The following ASCC3 variants were observed in gnomAD, a reference collection of about 807,000 sequenced individuals.
ASCC3 encodes the protein activating signal cointegrator 1 complex subunit 3.
A neutral mutation model predicts 256.3 loss-of-function variants in ASCC3; 158 were observed. The observed-to-expected ratio is 0.62, with a 90% CI of 0.54 to 0.70. The LOEUF (loss-of-function observed/expected upper bound fraction) is 0.70, where lower values mean the gene tolerates loss of function less well. Among genes scored for constraint, ASCC3 ranks in the 30% least tolerant of loss-of-function variants. The pLI is 0.00. For synonymous variants in ASCC3, 948 were observed against 883.4 expected, an observed-to-expected ratio of 1.07 and a Z score of -1.30; for missense variants, 2,259 against 2,626.0, an observed-to-expected ratio of 0.86 and a Z score of 3.05.
chr6:100,631,261 G>A, intron 25 of ASCC3, 48 bp from the exon 26 acceptor site: 1 of 1,432,496 alleles, frequency 7.0e-7, no homozygotes, highest in East Asian at 2.3e-5. Flanking sequence ...AATAGTGATA[G>A]CATTTTGAAA....
rs150149285 is a variant in ASCC3 at position 100,671,377 on chromosome 6, T to A, written c.2286+8241A>T. On this transcript the variant is annotated intron_variant, in intron 14 of 41. Coordinates refer to ENST00000369162, the MANE Select transcript of ASCC3 (RefSeq NM_006828.4). ...TACTGTCTGAATAACTACAGAGATA[T>A]ACTTTATCTTGTTCACATTTTGTGA... 4.8e-3 allele frequency among the ~76,000 whole-genome samples: 732 copies of A among 152,208 alleles called. 3 individuals are homozygous for A. Among genetic ancestry groups the A allele is most frequent in the Non-Finnish European group, 8.2e-3 (554 of 67,948 alleles).
chr6:100,608,080 G>GTATATATCGATATATACATATATATGTA (rs1554200725), intron 30 of ASCC3, among the ~76,000 whole-genome samples: 1 of 84,868 alleles, frequency 1.2e-5, no homozygotes, highest in African/African-American at 4.9e-5. Flanking sequence ...ACATATATAT[G>GTATATATCGATATATACATATATATGTA]TATATATATC....
chr6:100,691,705 CAATT>C (rs939643467), intron 13 of ASCC3, among the ~76,000 whole-genome samples: 32 of 151,630 alleles, frequency 2.1e-4, no homozygotes, highest in Non-Finnish European at 4.1e-4. Context: ...TAATATAAAT[CAATT>C]GTTTTTGTTT....
chr6:100,576,507 A>AT (rs1393779331), intron 36 of ASCC3, among the ~76,000 whole-genome samples: 10 of 152,040 alleles, frequency 6.6e-5, no homozygotes, highest in African/African-American at 1.9e-4. Context: ...GAAATAGGGT[A>AT]TAAAAAAAAG....
rs551757360 is a variant in ASCC3, at chr6:100,704,792, G to A, written c.2151+10670C>T. On this transcript the variant is annotated intron_variant, in intron 13 of 41. Transcript: ENST00000369162. ...CTTTTATTCCTTAAAACTGAAGGTAGATTTTCAGTAAGAAGCTGCAAAGAA... is the reference window on the plus strand; with the variant it reads ...CTTTTATTCCTTAAAACTGAAGGTAAATTTTCAGTAAGAAGCTGCAAAGAA... Among the ~76,000 whole-genome samples, 10 of 152,002 alleles carry A rather than the reference G, an allele frequency of 6.6e-5. No homozygotes were observed. In the South Asian group the frequency reaches 2.1e-3, roughly 31 times the overall value.
chr6:100,725,412 A>G, intron 11 of ASCC3, 127 bp downstream of exon 11: 1 of 1,129,028 alleles, frequency 8.9e-7, no homozygotes, highest in South Asian at 1.4e-5. Context: ...CCCCCTTTTA[A>G]AAATATGAAG....
intron 36 of ASCC3, among the ~76,000 whole-genome samples, chr6:100,556,871 A>G (rs898722846): frequency 6.6e-6 from 1 of 152,116 alleles, no homozygotes; most frequent in South Asian, 2.1e-4. Context: ...AAAAAATAAT[A>G]AAGAAAGGAC....
intron 8 of ASCC3, among the ~76,000 whole-genome samples, chr6:100,787,248 T>C (rs1362196940): frequency 6.6e-6 from 1 of 152,112 alleles, no homozygotes; most frequent in African/African-American, 2.4e-5. Flanking sequence ...TATTTCTCTA[T>C]ACTTAATGAA....
intron 36 of ASCC3, among the ~76,000 whole-genome samples, chr6:100,585,485 A>AT (rs1771601688): frequency 6.6e-6 from 1 of 151,936 alleles, no homozygotes; most frequent in Non-Finnish European, 1.5e-5. Flanking sequence ...ATTCGTCTAA[A>AT]TTTTTTTCAA....
intron 14 of ASCC3, among the ~76,000 whole-genome samples, chr6:100,672,966 T>C (rs1435054254): frequency 1.3e-5 from 2 of 152,122 alleles, no homozygotes; most frequent in Admixed American, 6.6e-5. Flanking sequence ...AGTTTAAGGC[T>C]CATGTGTATA....
chr6:100,759,883 G>A (rs988336871), intron 10 of ASCC3, among the ~76,000 whole-genome samples: 3 of 152,080 alleles, frequency 2.0e-5, no homozygotes, highest in Admixed American at 6.6e-5. Flanking sequence ...TCGCTTGTTA[G>A]CTGTATTCCT....
intron 36 of ASCC3, among the ~76,000 whole-genome samples, chr6:100,550,021 T>C (rs548683146): frequency 1.3e-5 from 2 of 152,020 alleles, no homozygotes; most frequent in South Asian, 4.1e-4. Flanking sequence ...AGAATGATGA[T>C]GCTATTAGTA....
intron 36 of ASCC3, among the ~76,000 whole-genome samples, chr6:100,541,756 A>T (rs1000640817): frequency 6.6e-6 from 1 of 152,236 alleles, no homozygotes; most frequent in African/African-American, 2.4e-5. Context: ...GAGGATCTAT[A>T]ACAAGGAGAA....
chr6:100,874,293 C>T (rs1163363791), intron 1 of ASCC3, among the ~76,000 whole-genome samples: 4 of 151,740 alleles, frequency 2.6e-5, no homozygotes, highest in African/African-American at 9.7e-5. Flanking sequence ...TGGTGAAACC[C>T]CGTCTCTACT....
At position 100,555,620 on chromosome 6, in the gene ASCC3, C is replaced by T. The variant is rs532942055; in HGVS notation, c.5551-15233G>A. 3.3e-5 allele frequency among the ~76,000 whole-genome samples: 5 copies of T among 152,198 alleles called. No individual in the cohort carries two copies. The South Asian group carries it at 1.0e-3, about 32-fold the overall frequency. On this transcript the variant is annotated intron_variant, in intron 36 of 41. Transcript: ENST00000369162. Reference sequence around the variant, plus strand: ...ATTTCCCAGGATTTATAGCTAAGTCCTTAAAAAATTGCCCTTTGATGAAAC... The same window carrying T: ...ATTTCCCAGGATTTATAGCTAAGTCTTTAAAAAATTGCCCTTTGATGAAAC...
At chr6:100,840,488 CT>C (rs67554743) in intron 4 of ASCC3, among the ~76,000 whole-genome samples, 53 of 109,230 alleles carry the variant, frequency 4.9e-4, no homozygotes, top group Middle Eastern at 4.4e-3. Context: ...CCACGCCAGG[CT>C]TTTTTTTTTT....
At chr6:100,870,381 A>G (rs1268191905) in intron 1 of ASCC3, among the ~76,000 whole-genome samples, 2 of 150,476 alleles carry the variant, frequency 1.3e-5, no homozygotes, top group Non-Finnish European at 3.0e-5. Flanking sequence ...AAAAAAAATT[A>G]GGTTTGGCAA....
At chr6:100,796,178 A>C (rs1292174633) in intron 8 of ASCC3, among the ~76,000 whole-genome samples, 1 of 152,212 alleles carries the variant, frequency 6.6e-6, no homozygotes, top group African/African-American at 2.4e-5. Context: ...ATAAAAATAA[A>C]AAACAGTGAC....
intron 4 of ASCC3, among the ~76,000 whole-genome samples, chr6:100,835,323 G>A (rs1327202566): frequency 6.6e-6 from 1 of 151,944 alleles, no homozygotes; most frequent in Non-Finnish European, 1.5e-5. Flanking sequence ...CTTATGATTT[G>A]GGGGTCTTAT....
Sources: gnomAD v4.1 joint callset for allele counts (sites outside exome capture counted in the v4.1 genomes callset) on GRCh38, gnomAD v4.1.1 for gene constraint, MANE v1.5 for transcripts, NCBI Gene and HGNC (gene_info 2026-07-23, HGNC 2026-07-21) for gene names.